Variants in DLGAP2 observed in about 807,000 individuals in gnomAD.
DLGAP2 encodes DLG associated protein 2, also known as disks large-associated protein 2.
DLGAP2 carries 26 observed loss-of-function variants against 100.3 expected under a neutral mutation model. That is an observed-to-expected ratio of 0.26 (90% CI 0.19 to 0.36). DLGAP2 has a LOEUF of 0.36. Among genes scored for constraint, DLGAP2 ranks in the 10% least tolerant of loss-of-function variants. The probability of loss-of-function intolerance (pLI) is 1.00; values close to 1 mark genes in which losing one functional copy is unlikely to be tolerated. For missense variants in DLGAP2, 1,858 were observed against 1,453.2 expected (o/e 1.28, Z -4.53); for synonymous variants, 886 against 630.1 (o/e 1.41, Z -6.08).
intron 3 of DLGAP2, among the ~76,000 whole-genome samples, chr8:1,417,633 A>AG (rs1220052647): frequency 7.0e-6 from 1 of 143,546 alleles, no homozygotes; most frequent in African/African-American, 2.7e-5. Flanking sequence ...GGCCGCCTCC[A>AG]GGGGGGCACG....
intron 1 of DLGAP2, among the ~76,000 whole-genome samples, chr8:778,523 C>T (rs1443958456): frequency 1.3e-5 from 2 of 152,182 alleles, no homozygotes; most frequent in African/African-American, 2.4e-5. Flanking sequence ...GATGGGTTTT[C>T]AGTGTGGATG....
intron 3 of DLGAP2, among the ~76,000 whole-genome samples, chr8:1,498,898 C>G (rs1474808219): frequency 6.6e-6 from 1 of 152,196 alleles, no homozygotes; most frequent in Non-Finnish European, 1.5e-5. Context: ...ATTAAGCTCT[C>G]CCAGCTAGAA....
intron 3 of DLGAP2, among the ~76,000 whole-genome samples, chr8:1,270,276 C>G (rs542212645): frequency 2.0e-5 from 3 of 152,214 alleles, no homozygotes; most frequent in Admixed American, 6.5e-5. Context: ...AGAGGAGCAA[C>G]GTCTGCAGAT....
At chr8:1,417,797 G>T (rs1470523492) in intron 3 of DLGAP2, among the ~76,000 whole-genome samples, 1 of 151,014 alleles carries the variant, frequency 6.6e-6, no homozygotes, top group African/African-American at 2.5e-5. Context: ...AGTGATCAAT[G>T]TCTCCACAAA....
chr8:1,343,870 G>A (rs1468699047), intron 3 of DLGAP2, among the ~76,000 whole-genome samples: 6 of 152,252 alleles, frequency 3.9e-5, no homozygotes, highest in African/African-American at 9.6e-5. Flanking sequence ...GGAGTAGGGG[G>A]AGCTCAGCCC....
At chr8:1,237,737 A>G (rs371387084) in intron 2 of DLGAP2, among the ~76,000 whole-genome samples, 1,733 of 26,468 alleles carry the variant, frequency 0.065, no homozygotes, top group Middle Eastern at 0.25. Flanking sequence ...CTCACATGGC[A>G]CCGTGTCTAG....
At chr8:1,613,785 C>A (rs1057367430) in intron 6 of DLGAP2, among the ~76,000 whole-genome samples, 4 of 152,152 alleles carry the variant, frequency 2.6e-5, no homozygotes, top group Admixed American at 2.6e-4. Flanking sequence ...ATTCTGAATT[C>A]ATGTCCACCC....
chr8:913,351 A>AGAGC (rs1798527506), intron 2 of DLGAP2, among the ~76,000 whole-genome samples: 1 of 152,174 alleles, frequency 6.6e-6, no homozygotes, highest in Admixed American at 6.5e-5. Context: ...AGAGCTTTTA[A>AGAGC]TTTCATGATG....
chr8:1,173,363 G>T (rs185735414), intron 2 of DLGAP2, among the ~76,000 whole-genome samples: 2 of 152,170 alleles, frequency 1.3e-5, no homozygotes, highest in Non-Finnish European at 2.9e-5. Context: ...CAGTCTGCCC[G>T]TTCTCAGATC....
chr8:832,386 T>G (rs1796799495), intron 1 of DLGAP2, among the ~76,000 whole-genome samples: 1 of 152,234 alleles, frequency 6.6e-6, no homozygotes, highest in Non-Finnish European at 1.5e-5. Context: ...GAATTAATTT[T>G]TATATAAGGT....
intron 2 of DLGAP2, among the ~76,000 whole-genome samples, chr8:1,181,980 G>C (rs965437107): frequency 1.8e-4 from 28 of 152,238 alleles, no homozygotes; most frequent in African/African-American, 5.3e-4. Context: ...AGATAGTTGA[G>C]GCAGAAGGTG....
chr8:1,027,958 C>T (rs1181828089), intron 2 of DLGAP2, among the ~76,000 whole-genome samples: 2 of 145,722 alleles, frequency 1.4e-5, no homozygotes, highest in Non-Finnish European at 3.0e-5. Context: ...GTGCCAGGCG[C>T]TCGTTATTCT....
chr8:1,155,340 C>G (rs1281979806), intron 2 of DLGAP2, among the ~76,000 whole-genome samples: 1 of 152,168 alleles, frequency 6.6e-6, no homozygotes, highest in Non-Finnish European at 1.5e-5. Context: ...CCACCGCTTC[C>G]TGCGAGGGGC....
intron 2 of DLGAP2, among the ~76,000 whole-genome samples, chr8:1,222,907 C>T (rs1026060500): frequency 3.9e-5 from 6 of 152,154 alleles, no homozygotes; most frequent in South Asian, 2.1e-4. Flanking sequence ...GCCGTGCTCT[C>T]TCCTGGTCCC....
At chr8:1,652,764 A>G (rs951443887) in intron 8 of DLGAP2, among the ~76,000 whole-genome samples, 3 of 152,220 alleles carry the variant, frequency 2.0e-5, no homozygotes, top group Non-Finnish European at 4.4e-5. Context: ...TTATTTTAAA[A>G]TAAAGAATAA....
intron 3 of DLGAP2, among the ~76,000 whole-genome samples, chr8:1,449,220 G>T (rs1798070524): frequency 6.6e-6 from 1 of 152,198 alleles, no homozygotes; most frequent in South Asian, 2.1e-4. Flanking sequence ...GCCTCCTATT[G>T]CCAGGGAGGT....
intron 3 of DLGAP2, among the ~76,000 whole-genome samples, chr8:1,270,341 T>G (rs951009739): frequency 5.9e-5 from 9 of 152,294 alleles, no homozygotes; most frequent in Admixed American, 5.9e-4. Context: ...AAGTAGAACC[T>G]GTGATGTGGG....
rs539505897 is a variant in DLGAP2 at position 804,027 on chromosome 8, A to G, written c.18+66202A>G. Among the ~76,000 whole-genome samples, 14 of 152,206 alleles carry G rather than the reference A, an allele frequency of 9.2e-5. 1 individual carries two copies. The South Asian group carries it at 2.9e-3, about 32-fold the overall frequency. ...TGGGTTGGCGGGGGGTGTGGATTTT[A>G]GATTTATATGGTGGCGAGAGTGGTG... is the stretch of plus-strand genomic sequence containing the variant. On this transcript the variant is annotated intron_variant, in intron 1 of 14. Coordinates refer to ENST00000637795, the MANE Select transcript of DLGAP2 (RefSeq NM_001346810.2).
chr8:1,689,349 GCA>G (rs1799197274), intron 12 of DLGAP2, among the ~76,000 whole-genome samples: 1 of 152,240 alleles, frequency 6.6e-6, no homozygotes, highest in Admixed American at 6.5e-5. Flanking sequence ...CCAAGCACCT[GCA>G]TGTGTCTAGG....
Sources: gnomAD v4.1 joint callset for allele counts (sites outside exome capture counted in the v4.1 genomes callset) on GRCh38, gnomAD v4.1.1 for gene constraint, MANE v1.5 for transcripts, NCBI Gene and HGNC (gene_info 2026-07-23, HGNC 2026-07-21) for gene names.